The following AGBL4 variants were observed in gnomAD, a reference collection of about 807,000 sequenced individuals.
AGBL4 encodes cytosolic carboxypeptidase 6.
AGBL4 carries 58 observed loss-of-function variants against 66.4 expected under a neutral mutation model. That is an observed-to-expected ratio of 0.87 (90% confidence interval 0.71 to 1.09). The LOEUF is 1.09. Ranked by LOEUF, AGBL4 falls within the 50% of genes least tolerant of loss-of-function variation. AGBL4 has a pLI of 0.00. For missense variants in AGBL4, 579 were observed against 631.0 expected (o/e 0.92, Z 0.88); for synonymous variants, 234 against 222.9 (o/e 1.05, Z -0.44).
intron 5 of AGBL4, among the ~76,000 whole-genome samples, chr1:49,009,030 A>C (rs1173625699): frequency 2.0e-5 from 3 of 150,566 alleles, no homozygotes; most frequent in Admixed American, 6.6e-5. Flanking sequence ...CTAAAATCAG[A>C]GCAGAACTGA....
At chr1:49,504,530 G>C (rs1648498575) in intron 3 of AGBL4, among the ~76,000 whole-genome samples, 1 of 151,790 alleles carries the variant, frequency 6.6e-6, no homozygotes, top group Admixed American at 6.6e-5. Context: ...CAATTTTGGG[G>C]TGCATATATA....
chr1:49,411,696 C>T (rs1250152678), intron 3 of AGBL4, among the ~76,000 whole-genome samples: 1 of 1,110 alleles, frequency 9.0e-4, no homozygotes, highest in Admixed American at 8.6e-3. Context: ...AAGGGGCAAC[C>T]TCTTGAAATA....
At chr1:48,800,287 A>G (rs1362214426) in intron 6 of AGBL4, among the ~76,000 whole-genome samples, 1 of 152,080 alleles carries the variant, frequency 6.6e-6, no homozygotes, top group East Asian at 1.9e-4. Flanking sequence ...TTTTTATGTA[A>G]AGGTGCTCAT....
At chr1:49,125,830 C>T (rs1645754028) in intron 4 of AGBL4, among the ~76,000 whole-genome samples, 1 of 152,176 alleles carries the variant, frequency 6.6e-6, no homozygotes, top group Non-Finnish European at 1.5e-5. Flanking sequence ...AAGTTCCTGT[C>T]TTTTCCACCA....
At chr1:49,533,309 C>T (rs1301179445) in intron 3 of AGBL4, among the ~76,000 whole-genome samples, 2 of 152,184 alleles carry the variant, frequency 1.3e-5, no homozygotes, top group African/African-American at 4.8e-5. Flanking sequence ...TACCTTTAAA[C>T]TGGTTGTGCT....
At chr1:49,889,905 A>C (rs1185998574) in intron 1 of AGBL4, among the ~76,000 whole-genome samples, 2 of 152,254 alleles carry the variant, frequency 1.3e-5, no homozygotes, top group African/African-American at 4.8e-5. Context: ...TGGATGAATA[A>C]GTGATTAAAT....
rs564324088 is a variant in AGBL4 at position 49,612,046 on chromosome 1, T to C, written c.282+85267A>G. On this transcript the variant is annotated intron_variant, in intron 3 of 13. Transcript: ENST00000371839. Reference sequence around the variant, plus strand: ...AAAGCCTTATATAGTTAAAGTGCTATGCAAAATGAGATTTTATAGGTTAAC... The same window carrying C: ...AAAGCCTTATATAGTTAAAGTGCTACGCAAAATGAGATTTTATAGGTTAAC... Among the ~76,000 whole-genome samples the C allele has an allele frequency of 1.7e-4, 26 of 152,358 alleles. No individual in the cohort carries two copies. In the South Asian group the frequency reaches 3.3e-3, roughly 19 times the overall value.
At chr1:48,826,621 G>T (rs115389141) in intron 6 of AGBL4, among the ~76,000 whole-genome samples, 1,693 of 152,316 alleles carry the variant, frequency 0.011, 33 homozygotes, top group African/African-American at 0.039. Flanking sequence ...GCAAGAGGAG[G>T]CTGGAAAGTT....
Position 49,179,872 on chromosome 1 carries a change from G to A in AGBL4, c.377+65898C>T, listed in dbSNP as rs1369676174. On this transcript the variant is annotated intron_variant, in intron 4 of 13. Coordinates refer to ENST00000371839, the MANE Select transcript of AGBL4 (RefSeq NM_032785.4). Reference sequence around the variant, plus strand: ...TCCTCCTGCTGTATGACCTTCTTTGGACAGTTACTTAACATCTTTATTTTT... The same window carrying A: ...TCCTCCTGCTGTATGACCTTCTTTGAACAGTTACTTAACATCTTTATTTTT... Among the ~76,000 whole-genome samples the A allele has an allele frequency of 2.0e-5, 3 of 151,966 alleles. No homozygotes were observed. In the East Asian group the frequency reaches 5.8e-4, roughly 29 times the overall value.
chr1:49,866,600 C>T (rs1451592499), intron 1 of AGBL4, among the ~76,000 whole-genome samples: 1 of 152,044 alleles, frequency 6.6e-6, no homozygotes, highest in Non-Finnish European at 1.5e-5. Flanking sequence ...TCCGTCTCTA[C>T]TAAAAATGCA....
intron 6 of AGBL4, among the ~76,000 whole-genome samples, chr1:48,700,370 C>T (rs1049567036): frequency 1.3e-5 from 2 of 152,184 alleles, no homozygotes; most frequent in African/African-American, 4.8e-5. Context: ...GAGGGCTGCA[C>T]AGCACAATTG....
At chr1:49,180,688 T>C (rs1646915481) in intron 4 of AGBL4, among the ~76,000 whole-genome samples, 1 of 152,120 alleles carries the variant, frequency 6.6e-6, no homozygotes, top group South Asian at 2.1e-4. Context: ...GCATAGGAGC[T>C]TGAGAAGGGG....
chr1:49,155,999 T>C (rs1244412803), intron 4 of AGBL4, among the ~76,000 whole-genome samples: 1 of 152,040 alleles, frequency 6.6e-6, no homozygotes, highest in Non-Finnish European at 1.5e-5. Flanking sequence ...AGCTCAAGAG[T>C]GAAGAATCTA....
intron 3 of AGBL4, among the ~76,000 whole-genome samples, chr1:49,555,497 C>G (rs1185763401): frequency 1.4e-5 from 2 of 147,304 alleles, no homozygotes; most frequent in Non-Finnish European, 3.0e-5. Flanking sequence ...TTGTGTCTAG[C>G]TTTTGTGTCT....
intron 3 of AGBL4, among the ~76,000 whole-genome samples, chr1:49,354,147 C>A (rs1255704792): frequency 6.6e-6 from 1 of 152,158 alleles, no homozygotes; most frequent in African/African-American, 2.4e-5. Context: ...GGAGCTGGAG[C>A]CTAAAAGTGC....
chr1:48,850,251 A>G (rs1392006948), intron 6 of AGBL4, among the ~76,000 whole-genome samples: 3 of 152,222 alleles, frequency 2.0e-5, no homozygotes, highest in Non-Finnish European at 4.4e-5. Flanking sequence ...CCCAGGCACT[A>G]TAGCAACCCA....
At chr1:49,641,869 G>C (rs1033928513) in intron 3 of AGBL4, among the ~76,000 whole-genome samples, 1 of 152,022 alleles carries the variant, frequency 6.6e-6, no homozygotes, top group Non-Finnish European at 1.5e-5. Context: ...CTTGCACAAT[G>C]AATATGGTTG....
At chr1:49,501,596 AC>A (rs1648159405) in intron 3 of AGBL4, among the ~76,000 whole-genome samples, 2 of 151,448 alleles carry the variant, frequency 1.3e-5, no homozygotes, top group Non-Finnish European at 2.9e-5. Context: ...CAAAAAACCA[AC>A]TCAGTTTCAT....
intron 3 of AGBL4, among the ~76,000 whole-genome samples, chr1:49,647,665 C>T (rs1374087260): frequency 6.6e-6 from 1 of 152,040 alleles, no homozygotes; most frequent in Non-Finnish European, 1.5e-5. Flanking sequence ...TTCTCTTCTA[C>T]TTAACAAGGT....
Sources: gnomAD v4.1 joint callset for allele counts (sites outside exome capture counted in the v4.1 genomes callset) on GRCh38, gnomAD v4.1.1 for gene constraint, MANE v1.5 for transcripts, NCBI Gene and HGNC (gene_info 2026-07-23, HGNC 2026-07-21) for gene names.